FCHO1: variants seen among roughly 807,000 people sequenced by gnomAD.
FCHO1 encodes F-BAR domain only protein 1.
FCHO1 carries 45 observed loss-of-function variants against 114.4 expected under a neutral mutation model. The ratio of observed to expected loss-of-function variants is 0.39; its 90% confidence interval spans 0.31 to 0.50. The LOEUF (loss-of-function observed/expected upper bound fraction) is 0.50. FCHO1 is among the 20% of genes least tolerant of loss of function. The pLI, the probability that FCHO1 is intolerant of heterozygous loss-of-function variation, is 0.77. For missense variants in FCHO1, 1,042 were observed against 1,209.6 expected (o/e 0.86, Z 2.06); for synonymous variants, 480 against 488.9 (o/e 0.98, Z 0.24).
chr19:17,781,394 C>T (rs370652162), intron 21 of FCHO1, 51 bp downstream of exon 21: 28 of 1,609,166 alleles, frequency 1.7e-5, no homozygotes, highest in Non-Finnish European at 2.1e-5. Flanking sequence ...GTCTGGGGTC[C>T]GCTTTTGGGC....
rs180881753 is a variant in FCHO1, at chr19:17,775,741, G to T, written c.1003+228G>T. 0.015 allele frequency among the ~76,000 whole-genome samples: 2,289 copies of T among 151,854 alleles called. 35 individuals carry two copies. Among genetic ancestry groups the T allele is most frequent in the Non-Finnish European group, 0.023 (1,590 of 67,974 alleles). On this transcript the variant is annotated intron_variant, in intron 15 of 28. Coordinates refer to ENST00000596536, the MANE Select transcript of FCHO1 (RefSeq NM_015122.3). The surrounding 1 kb of genome is among the most constrained non-coding windows in gnomAD (Gnocchi z 5.1). ...GCTTCCTGGAGGAGGGGGCACCAGT[G>T]TTGGGGTTTTGCAGCCGAATAGGAG... is the stretch of plus-strand genomic sequence containing the variant.
intron 28 of FCHO1, 108 bp downstream of exon 28, chr19:17,787,954 G>A: frequency 7.2e-7 from 1 of 1,379,638 alleles, no homozygotes; most frequent in Non-Finnish European, 9.8e-7. Context: ...GGAAAGATAG[G>A]TGGGTGTTGG....
In FCHO1 at chr19:17,762,835, C is replaced by A. The variant is rs201598105; in HGVS notation, c.101C>A (p.Ala34Glu). 1.2e-6 allele frequency: 2 copies of A among 1,613,102 alleles called. No individual in the cohort carries two copies. The highest frequency in any genetic ancestry group is 1.7e-6 in the Non-Finnish European group (2 of 1,179,190). Residue 34 changes from alanine (A) to glutamate (E), a missense_variant, in exon 5 of 29, where the codon GCG (alanine) becomes GAG (glutamate). Ala to Glu is a moderately radical substitution (Grantham distance 107). This residue lies in a region of FCHO1 where 450 missense variants were observed against 564.1 expected (regional missense o/e 0.80). Transcript: ENST00000596536. ...GGGCCCATCTCCACCAAGGAGCTGGCGGACTTCATCCGGGAGAGGTGAGGT... is the reference window on the plus strand; with the variant it reads ...GGGCCCATCTCCACCAAGGAGCTGGAGGACTTCATCCGGGAGAGGTGAGGT... ...KQGPISTKEL[A>E]DFIRERATIE...
intron 21 of FCHO1, 52 bp downstream of exon 21, chr19:17,781,395 G>A (rs534421643): frequency 3.4e-5 from 54 of 1,609,286 alleles, no homozygotes; most frequent in Non-Finnish European, 4.3e-5. Flanking sequence ...TCTGGGGTCC[G>A]CTTTTGGGCA....
At chr19:17,764,301 A>G (rs1377616076) in intron 5 of FCHO1, 74 bp from the exon 6 acceptor site, 41 of 1,479,034 alleles carry the variant, frequency 2.8e-5, no homozygotes, top group Non-Finnish European at 3.9e-5. Flanking sequence ...TCGGCCTCCC[A>G]GAGTGCTGGG....
chr19:17,778,968 G>C, intron 20 of FCHO1, 84 bp downstream of exon 20: 1 of 1,374,912 alleles, frequency 7.3e-7, no homozygotes, highest in Non-Finnish European at 9.6e-7. Flanking sequence ...GCCTGATCAG[G>C]CTGCTGGAGA....
intron 4 of FCHO1, 62 bp from the exon 5 acceptor site, chr19:17,762,700 G>T (rs778495172): frequency 1.3e-5 from 16 of 1,274,856 alleles, no homozygotes; most frequent in Non-Finnish European, 1.8e-5. Flanking sequence ...CCACGCCCCC[G>T]TTGCTAAGCA....
chr19:17,771,108 C>G (rs1055676442), intron 9 of FCHO1, among the ~76,000 whole-genome samples: 1 of 151,958 alleles, frequency 6.6e-6, no homozygotes, highest in African/African-American at 2.4e-5. Flanking sequence ...ACAAAATTAG[C>G]CGGGCGTAGT....
chr19:17,781,399 T>C, intron 21 of FCHO1, 53 bp from the exon 22 acceptor site: 1 of 1,610,610 alleles, frequency 6.2e-7, no homozygotes. Flanking sequence ...GGGTCCGCTT[T>C]TGGGCACTGG....
chr19:17,769,346 G>A (rs1406631444), intron 7 of FCHO1, among the ~76,000 whole-genome samples: 1 of 150,424 alleles, frequency 6.6e-6, no homozygotes, highest in Non-Finnish European at 1.5e-5. Context: ...GGAGTCCGAG[G>A]CAGGCAGATC....
chr19:17,775,936 G>T lies in FCHO1; in HGVS notation c.1004-47G>T. On this transcript the variant is annotated intron_variant, in intron 15 of 28. Transcript: ENST00000596536. This position sits in a 1 kb window ranked among gnomAD's most constrained non-coding sequence, Gnocchi z 5.1. ...CGAGGCTGGATTGGAGAGCTGACTG[G>T]GGGAAAGCTTGTGTTGGGATTGGCT... 3 of 1,589,176 alleles carry T rather than the reference G, an allele frequency of 1.9e-6. No homozygotes were observed. Among genetic ancestry groups the T allele is most frequent in the South Asian group, 2.2e-5 (2 of 89,644 alleles).
chr19:17,784,576 A>G lies in FCHO1; in HGVS notation c.2227-149A>G. 1 of 794,480 alleles carries G rather than the reference A, an allele frequency of 1.3e-6. No individual in the cohort carries two copies. The highest frequency in any genetic ancestry group is 1.5e-5 in the South Asian group (1 of 66,178). The allele number at this position is 794,480 out of a possible 1,614,324, so 49.2% of individuals were successfully genotyped here. A position where few individuals can be genotyped will look rare whatever the true frequency, so the allele number is the denominator to read the frequency against. ...TGCCCCCTGCTGGAAACCTGGTGTA[A>G]TACAGCCTCTCATCCATCAAATCTC... On this transcript the variant is annotated intron_variant, in intron 25 of 28. Coordinates refer to ENST00000596536, the MANE Select transcript of FCHO1 (RefSeq NM_015122.3). This position sits in a 1 kb window ranked among gnomAD's most constrained non-coding sequence, Gnocchi z 5.3.
intron 5 of FCHO1, 125 bp downstream of exon 5, chr19:17,762,978 C>T: frequency 1.6e-6 from 1 of 641,232 alleles, no homozygotes; most frequent in East Asian, 2.7e-5. Flanking sequence ...CAGAGGGGCT[C>T]GAAAATCCTG....
Position 17,776,416 on chromosome 19 carries a change from T to C in FCHO1, c.1207+145T>C, listed in dbSNP as rs1240336325. The C allele has an allele frequency of 8.4e-6, 10 of 1,187,692 alleles. No homozygotes were observed. The highest frequency in any genetic ancestry group is 2.0e-4 in the Middle Eastern group (1 of 5,032). The allele number at this position is 1,187,692 out of a possible 1,614,324, so 73.6% of individuals were successfully genotyped here. A position where few individuals can be genotyped will look rare whatever the true frequency, so the allele number is the denominator to read the frequency against. ...CAGTCTCCTTTTCTGTAAAATGAGGTCATTATGAAATTAAGTGAGAGCTGA... is the reference window on the plus strand; with the variant it reads ...CAGTCTCCTTTTCTGTAAAATGAGGCCATTATGAAATTAAGTGAGAGCTGA... On this transcript the variant is annotated intron_variant, in intron 17 of 28. Transcript: ENST00000596536. The surrounding 1 kb of genome is among the most constrained non-coding windows in gnomAD (Gnocchi z 4.4).
At chr19:17,774,644 G>A in intron 13 of FCHO1, 166 bp downstream of exon 13, 1 of 616,688 alleles carries the variant, frequency 1.6e-6, no homozygotes, top group South Asian at 2.0e-5. Context: ...TCTGCCCCCG[G>A]CTAGCTCAAT....
At position 17,784,686 on chromosome 19, in the gene FCHO1, C is replaced by T. The variant is rs780871812; in HGVS notation, c.2227-39C>T. The stretch of plus-strand genomic sequence containing the variant: ...CGCATGGTGTGGCAAGACAGGATGG[C>T]CCAAGCTGTGTCCTCTCTCTCATTC... On this transcript the variant is annotated intron_variant, in intron 25 of 28. Coordinates refer to ENST00000596536, the MANE Select transcript of FCHO1 (RefSeq NM_015122.3). This position sits in a 1 kb window ranked among gnomAD's most constrained non-coding sequence, Gnocchi z 5.3. 29 of 1,597,382 alleles carry T rather than the reference C, an allele frequency of 1.8e-5. No homozygotes were observed. The highest frequency in any genetic ancestry group is 3.3e-5 in the Admixed American group (2 of 59,966).
In FCHO1 at chr19:17,788,272, G is replaced by A. The variant is rs1227644222; in HGVS notation, c.2648-12G>A. ...CTCCCCACCCCTCCCCCTCACAGCTGCACCCCCACAGGGATGTACCTGGTG... is the reference window on the plus strand; with the variant it reads ...CTCCCCACCCCTCCCCCTCACAGCTACACCCCCACAGGGATGTACCTGGTG... On this transcript the variant is annotated splice_polypyrimidine_tract_variant and intron_variant, in intron 28 of 28. Coordinates refer to ENST00000596536, the MANE Select transcript of FCHO1 (RefSeq NM_015122.3). 2 of 1,465,264 alleles carry A rather than the reference G, an allele frequency of 1.4e-6. No individual in the cohort carries two copies. Among genetic ancestry groups the A allele is most frequent in the South Asian group, 1.2e-5 (1 of 84,042 alleles). The allele number at this position is 1,465,264 out of a possible 1,614,324, so 90.8% of individuals were successfully genotyped here.
In FCHO1 at chr19:17,775,276, CCGAAGCTCAGTTTGT is replaced by C; in HGVS notation, c.946-178_946-164del. Among the ~76,000 whole-genome samples the C allele has an allele frequency of 6.6e-6, 1 of 152,240 alleles. No individual in the cohort carries two copies. Among genetic ancestry groups the C allele is most frequent in the South Asian group, 2.1e-4 (1 of 4,814 alleles). ...TACGTGGGTGTGAATAATGTCCCTG[CCGAAGCTCAGTTTGT>C]CCCAGGAACCTGCCCACACACCCAG... On this transcript the variant is annotated intron_variant, in intron 14 of 28. Transcript: ENST00000596536. This position sits in a 1 kb window ranked among gnomAD's most constrained non-coding sequence, Gnocchi z 5.1.
rs1207477382 is a variant in FCHO1, at chr19:17,751,969, A to T, written c.-183+392A>T. 6.6e-6 allele frequency among the ~76,000 whole-genome samples: 1 copy of T among 152,242 alleles called. No individual in the cohort carries two copies. The highest frequency in any genetic ancestry group is 1.5e-5 in the Non-Finnish European group (1 of 68,040). On this transcript the variant is annotated intron_variant, in intron 1 of 28. Coordinates refer to ENST00000596536, the MANE Select transcript of FCHO1 (RefSeq NM_015122.3). The surrounding 1 kb of genome is among the most constrained non-coding windows in gnomAD (Gnocchi z 4.4). ...CATGGCATGAAGATTGGATGAGCAG[A>T]TGCGTGTGAATAGTTGGGTACAGGG...
Sources: gnomAD v4.1 joint callset for allele counts (sites outside exome capture counted in the v4.1 genomes callset) on GRCh38, gnomAD v4.1.1 for gene constraint, gnomAD v4.1.1 regional missense constraint, Gnocchi (gnomAD v3.1) non-coding constraint, MANE v1.5 for transcripts, NCBI Gene and HGNC (gene_info 2026-07-23, HGNC 2026-07-21) for gene names.